VPS13B: variants seen among roughly 807,000 people sequenced by gnomAD.
VPS13B encodes the protein intermembrane lipid transfer protein VPS13B.
Under a neutral mutation model 426.4 loss-of-function variants are expected in VPS13B, and 285 were observed. That is an observed-to-expected ratio of 0.67 (90% CI 0.61 to 0.74). The LOEUF is 0.74. Among genes scored for constraint, VPS13B ranks in the 30% least tolerant of loss-of-function variants. The pLI is 0.00. For synonymous variants in VPS13B, 1,676 were observed against 1,676.4 expected (o/e 1.00, Z 0.01); for missense variants, 4,537 against 4,782.6 (o/e 0.95, Z 1.51).
At chr8:99,172,650 A>G (rs896371242) in intron 16 of VPS13B, among the ~76,000 whole-genome samples, 4 of 152,188 alleles carry the variant, frequency 2.6e-5, no homozygotes, top group Non-Finnish European at 2.9e-5. Context: ...AAGGCCCAGT[A>G]TGCTTTTTGC....
At chr8:99,827,670 A>ATG (rs1011471718) in intron 51 of VPS13B, among the ~76,000 whole-genome samples, 17 of 151,118 alleles carry the variant, frequency 1.1e-4, no homozygotes, top group South Asian at 2.1e-4. Context: ...GTTAACTGTG[A>ATG]TGTTAGGGTG....
chr8:99,563,023 C>T (rs1324979116), intron 31 of VPS13B, among the ~76,000 whole-genome samples: 1 of 152,122 alleles, frequency 6.6e-6, no homozygotes, highest in Admixed American at 6.5e-5. Flanking sequence ...ATTAGCAGGG[C>T]ATGGTGGCAT....
At chr8:99,286,035 C>A (rs1367468749) in intron 19 of VPS13B, among the ~76,000 whole-genome samples, 1 of 152,144 alleles carries the variant, frequency 6.6e-6, no homozygotes. Context: ...CCTTTCCTCT[C>A]CCCTCCCTTC....
chr8:99,060,847 G>T (rs1844144979), intron 3 of VPS13B, among the ~76,000 whole-genome samples: 1 of 151,914 alleles, frequency 6.6e-6, no homozygotes, highest in African/African-American at 2.4e-5. Context: ...GCTGAAAAAG[G>T]TATATTTTAT....
rs577558802 is a variant in VPS13B, at chr8:99,261,695, TTC to T, written c.2516-12501_2516-12500del. On this transcript the variant is annotated intron_variant, in intron 17 of 61. Coordinates refer to ENST00000357162, the MANE Select transcript of VPS13B (RefSeq NM_152564.5). Reference sequence around the variant, plus strand: ...GCATTCCCACCAACAGTGAATGAGGTTCTGTTTCTCCACATCCTCACCAGCAT... The same window carrying T: ...GCATTCCCACCAACAGTGAATGAGGTTGTTTCTCCACATCCTCACCAGCAT... Among the ~76,000 whole-genome samples, 957 of 152,256 alleles carry T rather than the reference TTC, an allele frequency of 6.3e-3. 8 individuals are homozygous for T. The highest frequency in any genetic ancestry group is 0.022 in the African/African-American group (898 of 41,556).
At chr8:99,717,394 T>A (rs77738445) in intron 37 of VPS13B, 21 bp downstream of exon 37, 6 of 1,602,810 alleles carry the variant, frequency 3.7e-6, no homozygotes, top group Non-Finnish European at 3.4e-6. Context: ...ATTGGCCATA[T>A]TTTTTTCATA....
chr8:99,085,276 C>A (rs1000707496), intron 3 of VPS13B, among the ~76,000 whole-genome samples: 7 of 151,914 alleles, frequency 4.6e-5, no homozygotes, highest in African/African-American at 1.7e-4. Flanking sequence ...GGATTGCAAC[C>A]CCTGCCTTTT....
chr8:99,670,231 C>G (rs528832725), intron 35 of VPS13B, among the ~76,000 whole-genome samples: 2 of 152,026 alleles, frequency 1.3e-5, no homozygotes, highest in African/African-American at 2.4e-5. Flanking sequence ...CAAATAGTGT[C>G]TCGATTTTTC....
intron 2 of VPS13B, among the ~76,000 whole-genome samples, chr8:99,021,227 G>C (rs891312551): frequency 2.6e-5 from 4 of 152,208 alleles, no homozygotes; most frequent in Non-Finnish European, 5.9e-5. Flanking sequence ...AGTATTTACT[G>C]TCTCCCTCTG....
At chr8:99,467,683 A>G in intron 24 of VPS13B, 49 bp downstream of exon 24, 3 of 1,574,886 alleles carry the variant, frequency 1.9e-6, no homozygotes, top group Non-Finnish European at 2.6e-6. Flanking sequence ...TGTGATTTAA[A>G]AGCAATTGTT....
intron 19 of VPS13B, among the ~76,000 whole-genome samples, chr8:99,294,497 A>T (rs907038602): frequency 2.7e-5 from 4 of 150,754 alleles, no homozygotes; most frequent in African/African-American, 9.8e-5. Flanking sequence ...ATATGTAACT[A>T]ACCTGCACAA....
intron 34 of VPS13B, among the ~76,000 whole-genome samples, chr8:99,659,880 T>C (rs981056338): frequency 5.9e-5 from 9 of 152,202 alleles, no homozygotes; most frequent in African/African-American, 2.2e-4. Flanking sequence ...ACCACTTACC[T>C]GATAATAACC....
intron 36 of VPS13B, among the ~76,000 whole-genome samples, chr8:99,712,152 T>C (rs546643806): frequency 6.6e-5 from 10 of 152,348 alleles, no homozygotes; most frequent in African/African-American, 1.9e-4. Context: ...AAATCCAACC[T>C]AAACTGGTTT....
chr8:99,111,409 A>G (rs1588048981), intron 6 of VPS13B, 130 bp downstream of exon 6: 1 of 684,934 alleles, frequency 1.5e-6, no homozygotes, highest in East Asian at 3.2e-5. Context: ...GTTTTTATAA[A>G]AATTTTATTT....
chr8:99,152,369 T>C (rs977977386), intron 14 of VPS13B, among the ~76,000 whole-genome samples: 2 of 152,222 alleles, frequency 1.3e-5, no homozygotes, highest in African/African-American at 4.8e-5. Flanking sequence ...ATAGCAGACA[T>C]TGTATGATTT....
chr8:99,484,965 G>T (rs1820228720), intron 25 of VPS13B, among the ~76,000 whole-genome samples: 1 of 151,916 alleles, frequency 6.6e-6, no homozygotes. Context: ...TTGAGTACAC[G>T]CAAATTTCTA....
At chr8:99,045,736 A>G (rs4394363) in intron 3 of VPS13B, among the ~76,000 whole-genome samples, 125,659 of 152,098 alleles carry the variant, frequency 0.83, 52,421 homozygotes, top group South Asian at 0.89. Context: ...GGTGAGAGAT[A>G]AGGATCCAGT....
chr8:99,784,279 C>G, intron 42 of VPS13B, 36 bp from the exon 43 acceptor site: 1 of 1,613,174 alleles, frequency 6.2e-7, no homozygotes, highest in Non-Finnish European at 8.5e-7. Flanking sequence ...ACAATTAATC[C>G]GATCCATGTT....
intron 43 of VPS13B, among the ~76,000 whole-genome samples, chr8:99,784,743 T>C (rs1812178815): frequency 6.6e-6 from 1 of 152,066 alleles, no homozygotes; most frequent in South Asian, 2.1e-4. Flanking sequence ...CAGGTTTGGA[T>C]CCTAGCTGTG....
Sources: allele counts gnomAD v4.1 joint callset (sites outside exome capture counted in the v4.1 genomes callset), GRCh38; gene constraint gnomAD v4.1.1; transcripts MANE v1.5; gene names NCBI Gene and HGNC (gene_info 2026-07-23, HGNC 2026-07-21).